Variants in GRAP2 observed in about 807,000 individuals in gnomAD.
GRAP2 encodes the protein GRB2-related adapter protein 2.
A neutral mutation model predicts 43.5 loss-of-function variants in GRAP2; 31 were observed. That is an observed-to-expected ratio of 0.71 (90% CI 0.54 to 0.96). GRAP2 has a LOEUF of 0.96. Ranked by LOEUF, GRAP2 falls within the 40% of genes least tolerant of loss-of-function variation. GRAP2 has a pLI of 0.00. For missense variants in GRAP2, 371 were observed against 424.4 expected (o/e 0.87, Z 1.11); for synonymous variants, 156 against 164.8 (o/e 0.95, Z 0.41).
intron 1 of GRAP2, among the ~76,000 whole-genome samples, chr22:39,908,817 G>T (rs1325274499): frequency 1.3e-5 from 2 of 152,188 alleles, no homozygotes; most frequent in Non-Finnish European, 2.9e-5. Context: ...CTTCAGGCTG[G>T]CAAGTGGAGT....
In GRAP2 at chr22:39,973,526, T is replaced by C. The variant is rs1298305787; in HGVS notation, c.*2442T>C. 1 of 152,226 alleles carries C rather than the reference T, an allele frequency of 6.6e-6. No individual in the cohort carries two copies. Among genetic ancestry groups the C allele is most frequent in the African/African-American group, 2.4e-5 (1 of 41,458 alleles). 9.4% of individuals were successfully genotyped at this position (152,226 alleles called of 1,614,324 possible). A position where few individuals can be genotyped will look rare whatever the true frequency, so the allele number is the denominator to read the frequency against. On this transcript the variant is annotated 3_prime_UTR_variant, in exon 8 of 8. Coordinates refer to ENST00000344138, the MANE Select transcript of GRAP2 (RefSeq NM_004810.4). Reference sequence around the variant, plus strand: ...AAAGCTACTGAAGAGTATTTTGTACTGAGATGCCAAAGCATCTTTCCCTTG... The same window carrying C: ...AAAGCTACTGAAGAGTATTTTGTACCGAGATGCCAAAGCATCTTTCCCTTG...
rs1323796265 is a variant in GRAP2 at position 39,901,286 on chromosome 22, G to A, written c.-59G>A. ...TTGCCAGAAAGGATTCTAATAACTC[G>A]GTGTCAAAGCCAAGACATAAACTCA... On this transcript the variant is annotated 5_prime_UTR_variant, in exon 1 of 8. Coordinates refer to ENST00000344138, the MANE Select transcript of GRAP2 (RefSeq NM_004810.4). 6.6e-5 allele frequency: 85 copies of A among 1,282,810 alleles called. No individual in the cohort carries two copies. The highest frequency in any genetic ancestry group is 7.6e-5 in the Non-Finnish European group (75 of 983,066). 79.5% of individuals were successfully genotyped at this position (1,282,810 alleles called of 1,614,324 possible).
the GRAP2 span, among the ~76,000 whole-genome samples, chr22:39,894,848 G>C: frequency 6.6e-5 from 10 of 152,210 alleles, no homozygotes; most frequent in Admixed American, 2.0e-4. Context: ...GGCATAGTAA[G>C]AGAGAAGAGA....
chr22:39,898,262 C>T (rs892292021), upstream of GRAP2, among the ~76,000 whole-genome samples: 2 of 152,160 alleles, frequency 1.3e-5, no homozygotes, highest in African/African-American at 4.8e-5. Context: ...GCTCTTGCAT[C>T]ATTTTATTTT....
intron 1 of GRAP2, among the ~76,000 whole-genome samples, chr22:39,902,997 A>G (rs2066502404): frequency 6.6e-6 from 1 of 152,214 alleles, no homozygotes; most frequent in Admixed American, 6.5e-5. Context: ...AAGAGCTGAA[A>G]ATGATCCTAG....
chr22:39,938,400 C>T (rs751474788), intron 1 of GRAP2, among the ~76,000 whole-genome samples: 2 of 152,218 alleles, frequency 1.3e-5, no homozygotes, highest in African/African-American at 2.4e-5. Flanking sequence ...ATTTATTTGG[C>T]TCCCAAACCT....
At chr22:39,930,453 G>T (rs2066745309) in intron 1 of GRAP2, among the ~76,000 whole-genome samples, 1 of 152,110 alleles carries the variant, frequency 6.6e-6, no homozygotes, top group South Asian at 2.1e-4. Flanking sequence ...TGAGATTCTT[G>T]CATGCTTTAA....
At chr22:39,915,831 A>G (rs2066598539) in intron 1 of GRAP2, among the ~76,000 whole-genome samples, 1 of 152,254 alleles carries the variant, frequency 6.6e-6, no homozygotes, top group South Asian at 2.1e-4. Flanking sequence ...TTCAAGGCTC[A>G]GTAGCATCAT....
chr22:39,917,127 C>G (rs1284820001), intron 1 of GRAP2, among the ~76,000 whole-genome samples: 2 of 152,158 alleles, frequency 1.3e-5, no homozygotes, highest in East Asian at 3.8e-4. Context: ...GCATTGATGA[C>G]AGCAGAGTGT....
intron 1 of GRAP2, among the ~76,000 whole-genome samples, chr22:39,916,930 A>G (rs975147509): frequency 2.6e-5 from 4 of 152,324 alleles, no homozygotes; most frequent in East Asian, 3.9e-4. Flanking sequence ...CAAGTACATA[A>G]TAAGTACTCA....
intron 1 of GRAP2, among the ~76,000 whole-genome samples, chr22:39,901,910 C>G (rs1748053583): frequency 3.9e-5 from 6 of 152,226 alleles, no homozygotes; most frequent in Admixed American, 3.9e-4. Flanking sequence ...ATGACTGTCT[C>G]TGGTTTAGGC....
intron 1 of GRAP2, among the ~76,000 whole-genome samples, chr22:39,910,652 C>T (rs1009155013): frequency 2.0e-5 from 3 of 151,772 alleles, no homozygotes; most frequent in African/African-American, 7.3e-5. Flanking sequence ...TGTGATCCGC[C>T]TGCCTCGGCC....
chr22:39,941,096 T>A (rs1949557907), intron 1 of GRAP2, among the ~76,000 whole-genome samples: 1 of 152,198 alleles, frequency 6.6e-6, no homozygotes, highest in African/African-American at 2.4e-5. Context: ...AATGGCTCCT[T>A]CTGTCTCCTG....
the GRAP2 span, among the ~76,000 whole-genome samples, chr22:39,895,263 G>T: frequency 2.0e-5 from 3 of 152,142 alleles, no homozygotes; most frequent in Non-Finnish European, 4.4e-5. Flanking sequence ...GTAGACAAAA[G>T]CAACATTTGT....
At position 39,966,173 on chromosome 22, in the gene GRAP2, C is replaced by T. The variant is rs753712017; in HGVS notation, c.459+15C>T. The T allele has an allele frequency of 6.2e-7, 1 of 1,607,932 alleles. No homozygotes were observed. ...GAGAAGACCAGGTATGCTCCAGATC[C>T]AGTCGACCCCAATCTAGAGATTTTA... On this transcript the variant is annotated intron_variant, in intron 5 of 7. Coordinates refer to ENST00000344138, the MANE Select transcript of GRAP2 (RefSeq NM_004810.4).
chr22:39,938,991 T>TG (rs941988274), intron 1 of GRAP2, among the ~76,000 whole-genome samples: 3 of 152,142 alleles, frequency 2.0e-5, no homozygotes, highest in African/African-American at 7.2e-5. Flanking sequence ...TTATGCTTCC[T>TG]GGGGCTAGGA....
chr22:39,898,538 C>T (rs921524753), upstream of GRAP2, among the ~76,000 whole-genome samples: 3 of 152,138 alleles, frequency 2.0e-5, no homozygotes, highest in African/African-American at 4.8e-5. Context: ...ATTGGCCAGG[C>T]GCAGTGGCTC....
At chr22:39,957,219 C>T (rs2067064028) in intron 3 of GRAP2, among the ~76,000 whole-genome samples, 1 of 152,196 alleles carries the variant, frequency 6.6e-6, no homozygotes, top group African/African-American at 2.4e-5. Flanking sequence ...TCTTGGTAAA[C>T]CTGAACTGAC....
At position 39,971,968 on chromosome 22, in the gene GRAP2, T is replaced by G. The variant is rs1032615450; in HGVS notation, c.*884T>G. ...GGGTATGTCTTCAGGGCTCTGTTCATTTTCCCTCTTGATTTTCTCTTTTGA... is the reference window on the plus strand; with the variant it reads ...GGGTATGTCTTCAGGGCTCTGTTCAGTTTCCCTCTTGATTTTCTCTTTTGA... On this transcript the variant is annotated 3_prime_UTR_variant, in exon 8 of 8. Coordinates refer to ENST00000344138, the MANE Select transcript of GRAP2 (RefSeq NM_004810.4). 6.6e-6 allele frequency: 1 copy of G among 152,278 alleles called. No homozygotes were observed. The highest frequency in any genetic ancestry group is 2.4e-5 in the African/African-American group (1 of 41,470). 9.4% of individuals were successfully genotyped at this position (152,278 alleles called of 1,614,324 possible). A position where few individuals can be genotyped will look rare whatever the true frequency, so the allele number is the denominator to read the frequency against.
Sources: gnomAD v4.1 joint callset for allele counts (sites outside exome capture counted in the v4.1 genomes callset) on GRCh38, gnomAD v4.1.1 for gene constraint, MANE v1.5 for transcripts, NCBI Gene and HGNC (gene_info 2026-07-23, HGNC 2026-07-21) for gene names.